The following SHANK2 variants were observed in gnomAD, a reference collection of about 807,000 sequenced individuals.
The protein encoded by SHANK2 is SH3 and multiple ankyrin repeat domains protein 2.
Under a neutral mutation model 133.7 loss-of-function variants are expected in SHANK2, and 43 were observed. That is an observed-to-expected ratio of 0.32 (90% CI 0.25 to 0.41). The LOEUF is 0.41. SHANK2 is among the 10% of genes least tolerant of loss of function. The pLI, the probability that SHANK2 is intolerant of heterozygous loss-of-function variation, is 1.00. For missense variants in SHANK2, 1,994 were observed against 2,235.8 expected, an observed-to-expected ratio of 0.89 and a Z score of 2.18; for synonymous variants, 1,017 against 952.8, an observed-to-expected ratio of 1.07 and a Z score of -1.24.
At chr11:71,150,691 T>C (rs1952779561) in intron 2 of SHANK2, among the ~76,000 whole-genome samples, 1 of 152,062 alleles carries the variant, frequency 6.6e-6, no homozygotes, top group Non-Finnish European at 1.5e-5. Flanking sequence ...CGCCATGCCA[T>C]GGTCCACAGT....
rs375965952 is a variant in SHANK2, at chr11:71,132,736, G to T, written c.208-13704C>A. Among the ~76,000 whole-genome samples, 11 of 152,300 alleles carry T rather than the reference G, an allele frequency of 7.2e-5. No individual in the cohort carries two copies. The East Asian group carries it at 9.7e-4, about 13-fold the overall frequency. ...GCCTTTATCGAGGATGCCCTGTGACGTGAATAATAACCAATATGATCAAGG... is the reference window on the plus strand; with the variant it reads ...GCCTTTATCGAGGATGCCCTGTGACTTGAATAATAACCAATATGATCAAGG... On this transcript the variant is annotated intron_variant, in intron 3 of 25. Transcript: ENST00000601538.
chr11:70,720,539 T>G (rs1465770967), intron 14 of SHANK2, among the ~76,000 whole-genome samples: 1 of 152,210 alleles, frequency 6.6e-6, no homozygotes, highest in African/African-American at 2.4e-5. Context: ...AGTGTCTCAG[T>G]TGAAATCCAC....
At chr11:70,783,497 G>A (rs1427926951) in intron 14 of SHANK2, among the ~76,000 whole-genome samples, 2 of 152,116 alleles carry the variant, frequency 1.3e-5, no homozygotes, top group Non-Finnish European at 2.9e-5. Flanking sequence ...GCTGTTGGGA[G>A]AGAAGCCAGC....
intron 17 of SHANK2, among the ~76,000 whole-genome samples, chr11:70,625,894 A>G (rs2060898847): frequency 1.3e-5 from 2 of 151,284 alleles, no homozygotes; most frequent in South Asian, 4.2e-4. Flanking sequence ...CAGGAAGAGA[A>G]GTTTCCAGTA....
intron 17 of SHANK2, among the ~76,000 whole-genome samples, chr11:70,537,548 C>T (rs1554974365): frequency 1.3e-5 from 2 of 152,182 alleles, no homozygotes; most frequent in African/African-American, 2.4e-5. Context: ...GCCTCCTCCC[C>T]GGAGTCTTGG....
intron 6 of SHANK2, among the ~76,000 whole-genome samples, chr11:71,103,019 C>T (rs72957637): frequency 0.26 from 39,137 of 152,160 alleles, 5,493 homozygotes; most frequent in South Asian, 0.33. Flanking sequence ...GTGGAAGGAG[C>T]GAGGGAGCTC....
chr11:70,538,851 C>T (rs2059578159), intron 17 of SHANK2, among the ~76,000 whole-genome samples: 1 of 152,148 alleles, frequency 6.6e-6, no homozygotes, highest in South Asian at 2.1e-4. Flanking sequence ...TGGGGGCAGC[C>T]CTGAGTGCTG....
At chr11:70,492,987 A>G (rs2058916683) in intron 21 of SHANK2, among the ~76,000 whole-genome samples, 1 of 150,968 alleles carries the variant, frequency 6.6e-6, no homozygotes, top group African/African-American at 2.4e-5. Context: ...GTAGAGACGG[A>G]GTTTCACCAT....
At chr11:70,553,154 G>A (rs925223147) in intron 17 of SHANK2, among the ~76,000 whole-genome samples, 10 of 151,650 alleles carry the variant, frequency 6.6e-5, no homozygotes, top group Non-Finnish European at 1.2e-4. Flanking sequence ...GTGCAGTGGC[G>A]CGATCTCGTC....
At chr11:70,806,865 T>C (rs1478844202) in intron 13 of SHANK2, 137 bp downstream of exon 13, 3 of 598,666 alleles carry the variant, frequency 5.0e-6, no homozygotes, top group Non-Finnish European at 8.9e-6. Flanking sequence ...GTCACTCTGT[T>C]CCCCATTCCT....
chr11:70,721,086 G>A (rs183168780), intron 14 of SHANK2, among the ~76,000 whole-genome samples: 33 of 152,350 alleles, frequency 2.2e-4, no homozygotes, highest in African/African-American at 7.2e-4. Flanking sequence ...GGCAGTCCGG[G>A]CACCTTCTCT....
intron 5 of SHANK2, 97 bp downstream of exon 5, chr11:71,113,196 G>A (rs540460627): frequency 9.2e-6 from 10 of 1,081,802 alleles, no homozygotes; most frequent in Non-Finnish European, 1.4e-5. Context: ...TACACAGCAG[G>A]TGCCCCTGGA....
chr11:70,883,824 G>A (rs951240062), intron 11 of SHANK2, among the ~76,000 whole-genome samples: 1 of 152,226 alleles, frequency 6.6e-6, no homozygotes, highest in Non-Finnish European at 1.5e-5. Context: ...CAGGCAAGGG[G>A]AGAAGGCGCT....
intron 13 of SHANK2, among the ~76,000 whole-genome samples, chr11:70,800,562 G>A (rs1279460978): frequency 2.6e-5 from 4 of 152,168 alleles, no homozygotes; most frequent in East Asian, 3.8e-4. Context: ...CTCAGCCCAC[G>A]ATTTTTGAAG....
chr11:70,917,810 C>T (rs553749215), intron 10 of SHANK2, among the ~76,000 whole-genome samples: 3 of 152,116 alleles, frequency 2.0e-5, no homozygotes, highest in Non-Finnish European at 4.4e-5. Flanking sequence ...ATGTTAAGAA[C>T]ACATGGACAC....
At chr11:70,606,289 T>G (rs540576184) in intron 17 of SHANK2, among the ~76,000 whole-genome samples, 37 of 152,232 alleles carry the variant, frequency 2.4e-4, no homozygotes, top group Non-Finnish European at 4.4e-4. Context: ...TGGTTGCTCC[T>G]GCCTTTGATC....
intron 15 of SHANK2, among the ~76,000 whole-genome samples, chr11:70,663,286 G>A (rs529609560): frequency 1.3e-5 from 2 of 152,286 alleles, no homozygotes; most frequent in African/African-American, 4.8e-5. Context: ...CAGGGCCCCA[G>A]GTGCAGCCAG....
chr11:70,816,863 C>T lies in SHANK2; in HGVS notation c.1493+3501G>A, dbSNP rs1555054489. Among the ~76,000 whole-genome samples the T allele has an allele frequency of 3.3e-5, 5 of 152,224 alleles. 1 individual carries two copies. The highest frequency in any genetic ancestry group is 7.3e-5 in the Non-Finnish European group (5 of 68,042). On this transcript the variant is annotated intron_variant, in intron 12 of 25. Coordinates refer to ENST00000601538, the MANE Select transcript of SHANK2 (RefSeq NM_012309.5). The stretch of plus-strand genomic sequence containing the variant: ...CCAGGCCCCCCTCCCCTGGCTGTAC[C>T]TTGTTTGCAGGACATTCAGACCAAG...
chr11:70,833,989 C>T (rs1222391959), intron 11 of SHANK2, among the ~76,000 whole-genome samples: 2 of 152,244 alleles, frequency 1.3e-5, no homozygotes, highest in Non-Finnish European at 2.9e-5. Context: ...GCACAAGGGC[C>T]AGCTTTGAGC....
Sources: gnomAD v4.1 joint callset for allele counts (sites outside exome capture counted in the v4.1 genomes callset) on GRCh38, gnomAD v4.1.1 for gene constraint, MANE v1.5 for transcripts, NCBI Gene and HGNC (gene_info 2026-07-23, HGNC 2026-07-21) for gene names.